RBFOX1: variants seen among roughly 807,000 people sequenced by gnomAD.
RBFOX1 encodes the protein RNA binding protein fox-1 homolog 1.
RBFOX1 carries 8 observed loss-of-function variants against 57.7 expected under a neutral mutation model. That is an observed-to-expected ratio of 0.14 (90% CI 0.08 to 0.25). The LOEUF is 0.25. Among genes scored for constraint, RBFOX1 ranks in the 10% least tolerant of loss-of-function variants. The pLI, the probability that RBFOX1 is intolerant of heterozygous loss-of-function variation, is 1.00. For missense variants in RBFOX1, 611 were observed against 548.5 expected, an observed-to-expected ratio of 1.11 and a Z score of -1.14; for synonymous variants, 326 against 222.4, an observed-to-expected ratio of 1.47 and a Z score of -4.15.
At chr16:6,671,370 T>C (rs2098763923) in intron 3 of RBFOX1, among the ~76,000 whole-genome samples, 1 of 152,216 alleles carries the variant, frequency 6.6e-6, no homozygotes, top group South Asian at 2.1e-4. Flanking sequence ...ACACATCTTA[T>C]AAGATATTTT....
chr16:6,290,661 C>T (rs562401132), intron 1 of RBFOX1, among the ~76,000 whole-genome samples: 10 of 152,220 alleles, frequency 6.6e-5, no homozygotes, highest in South Asian at 6.2e-4. Context: ...GGAAATTTTA[C>T]GTATCAGGTG....
At chr16:5,298,463 TC>T (rs1331898783) in intron 1 of RBFOX1, among the ~76,000 whole-genome samples, 1 of 33,558 alleles carries the variant, frequency 3.0e-5, no homozygotes, top group African/African-American at 1.6e-4. Context: ...TCCTTTCCCC[TC>T]CCTTCCCCTT....
At chr16:7,430,346 C>G (rs1323337531) in intron 4 of RBFOX1, among the ~76,000 whole-genome samples, 1 of 152,162 alleles carries the variant, frequency 6.6e-6, no homozygotes. Context: ...TTTGAAACAA[C>G]TTCCTTCTTT....
intron 2 of RBFOX1, among the ~76,000 whole-genome samples, chr16:6,600,837 T>A (rs767044400): frequency 6.6e-6 from 1 of 152,160 alleles, no homozygotes; most frequent in African/African-American, 2.4e-5. Flanking sequence ...AAAATCCCTT[T>A]AGAGGAACGT....
intron 1 of RBFOX1, among the ~76,000 whole-genome samples, chr16:5,398,131 C>G (rs987574489): frequency 1.3e-5 from 2 of 152,168 alleles, no homozygotes; most frequent in African/African-American, 4.8e-5. Flanking sequence ...GAAAGCCTTT[C>G]CTGAGGGGAC....
chr16:7,402,579 A>C (rs2098263278), intron 4 of RBFOX1, among the ~76,000 whole-genome samples: 1 of 152,196 alleles, frequency 6.6e-6, no homozygotes, highest in Admixed American at 6.5e-5. Context: ...AAAGATGATT[A>C]TTCCTTGGTT....
chr16:7,064,186 TGA>T (rs2055340637), intron 4 of RBFOX1, among the ~76,000 whole-genome samples: 1 of 132,392 alleles, frequency 7.6e-6, no homozygotes, highest in African/African-American at 3.0e-5. Context: ...TTTTTTTTTC[TGA>T]GGTGGAGTCT....
chr16:6,589,426 A>G (rs1205714758), intron 2 of RBFOX1, among the ~76,000 whole-genome samples: 1 of 152,160 alleles, frequency 6.6e-6, no homozygotes, highest in South Asian at 2.1e-4. Flanking sequence ...CAGAAAGTGG[A>G]AGTGCTGACT....
chr16:5,338,641 T>G (rs1198736884), intron 1 of RBFOX1, among the ~76,000 whole-genome samples: 1 of 152,202 alleles, frequency 6.6e-6, no homozygotes, highest in Non-Finnish European at 1.5e-5. Context: ...TTTGAAAGTT[T>G]TACTTTAAAG....
At chr16:5,385,740 A>T (rs189726895) in intron 1 of RBFOX1, among the ~76,000 whole-genome samples, 6 of 152,284 alleles carry the variant, frequency 3.9e-5, no homozygotes, top group Admixed American at 1.3e-4. Flanking sequence ...CCCATTTAAT[A>T]GGCTATTTGT....
intron 4 of RBFOX1, among the ~76,000 whole-genome samples, chr16:5,883,077 C>T (rs534807472): frequency 5.9e-5 from 9 of 152,102 alleles, no homozygotes; most frequent in Non-Finnish European, 1.3e-4. Flanking sequence ...TTTATTGGCA[C>T]AGGATGAGAA....
intron 2 of RBFOX1, among the ~76,000 whole-genome samples, chr16:5,517,150 C>T (rs555017122): frequency 4.5e-4 from 69 of 152,194 alleles, no homozygotes; most frequent in African/African-American, 1.6e-3. Context: ...CTGCTGTGGT[C>T]ACCAGGAGCA....
chr16:6,446,769 T>A (rs2094494619), intron 2 of RBFOX1, among the ~76,000 whole-genome samples: 1 of 152,220 alleles, frequency 6.6e-6, no homozygotes, highest in African/African-American at 2.4e-5. Flanking sequence ...ATTTAGTGTC[T>A]GCATTATAAT....
chr16:7,127,792 A>G (rs1027209585), intron 4 of RBFOX1, among the ~76,000 whole-genome samples: 1 of 152,206 alleles, frequency 6.6e-6, no homozygotes, highest in Non-Finnish European at 1.5e-5. Flanking sequence ...GCCTTGGCAC[A>G]TCTTGGTAGG....
At chr16:7,652,517 C>T (rs1012738499) in intron 11 of RBFOX1, among the ~76,000 whole-genome samples, 3 of 152,222 alleles carry the variant, frequency 2.0e-5, no homozygotes, top group Non-Finnish European at 2.9e-5. Context: ...AAGCAATTCT[C>T]CTGCCTCAGC....
intron 3 of RBFOX1, among the ~76,000 whole-genome samples, chr16:6,889,642 C>T (rs1567732176): frequency 6.6e-6 from 1 of 152,140 alleles, no homozygotes; most frequent in Non-Finnish European, 1.5e-5. Context: ...TCCGTAAGCC[C>T]ATCCTCAATC....
At chr16:6,618,341 C>G (rs986236326) in intron 2 of RBFOX1, among the ~76,000 whole-genome samples, 3 of 152,168 alleles carry the variant, frequency 2.0e-5, no homozygotes, top group Non-Finnish European at 2.9e-5. Context: ...GTTTCAAGCC[C>G]TTAGCATATA....
chr16:5,357,873 T>C (rs769973810), intron 1 of RBFOX1, among the ~76,000 whole-genome samples: 3 of 152,166 alleles, frequency 2.0e-5, no homozygotes, highest in African/African-American at 7.2e-5. Flanking sequence ...AAATCCTCCA[T>C]GGAATGAGAT....
intron 4 of RBFOX1, among the ~76,000 whole-genome samples, chr16:7,355,722 A>G (rs192536462): frequency 7.4e-4 from 113 of 152,306 alleles, no homozygotes; most frequent in Admixed American, 2.8e-3. Flanking sequence ...GGCTTTGCCA[A>G]TTCTTACACA....
Sources: allele counts gnomAD v4.1 joint callset (sites outside exome capture counted in the v4.1 genomes callset), GRCh38; gene constraint gnomAD v4.1.1; transcripts MANE v1.5; gene names NCBI Gene and HGNC (gene_info 2026-07-23, HGNC 2026-07-21).